The following PRPF18 variants were observed in gnomAD, a reference collection of about 807,000 sequenced individuals.
PRPF18 encodes pre-mRNA-splicing factor 18.
Under a neutral mutation model 46.5 loss-of-function variants are expected in PRPF18, and 38 were observed. The observed-to-expected ratio is 0.82, with a 90% CI of 0.63 to 1.07. The LOEUF is 1.07. PRPF18 is among the 50% of genes least tolerant of loss of function. PRPF18 has a pLI of 0.00. For missense variants in PRPF18, 263 were observed against 410.0 expected (o/e 0.64, Z 3.10); for synonymous variants, 152 against 146.7 (o/e 1.04, Z -0.26).
At position 13,623,093 on chromosome 10, in the gene PRPF18, C is replaced by A. The variant is rs754851996; in HGVS notation, c.948+6540C>A. Among the ~76,000 whole-genome samples, 8 of 151,762 alleles carry A rather than the reference C, an allele frequency of 5.3e-5. No individual in the cohort carries two copies. In the East Asian group the frequency reaches 1.4e-3, roughly 26 times the overall value. On this transcript the variant is annotated intron_variant, in intron 9 of 9. Coordinates refer to ENST00000378572, the MANE Select transcript of PRPF18 (RefSeq NM_003675.4). ...GCAGGCGCCTGTAGTCCCAGCTACTCGGGAGGCTGAGGCAGGAGAATGGCA... is the reference window on the plus strand; with the variant it reads ...GCAGGCGCCTGTAGTCCCAGCTACTAGGGAGGCTGAGGCAGGAGAATGGCA...
chr10:13,614,727 G>C (rs1337691979), intron 8 of PRPF18, among the ~76,000 whole-genome samples: 1 of 152,158 alleles, frequency 6.6e-6, no homozygotes, highest in African/African-American at 2.4e-5. Flanking sequence ...CCCTGAGATA[G>C]AGTTTAGAAA....
the PRPF18 span, chr10:13,640,256 A>G: frequency 6.7e-6 from 1 of 150,304 alleles, no homozygotes; most frequent in Non-Finnish European, 1.5e-5. Context: ...GTGATACCTG[A>G]GAGTCCCCTT....
chr10:13,594,242 G>A (rs2080003525), intron 1 of PRPF18, among the ~76,000 whole-genome samples: 1 of 152,220 alleles, frequency 6.6e-6, no homozygotes, highest in Admixed American at 6.5e-5. Context: ...AAACACTTCA[G>A]TGAGAAAAGT....
At position 13,614,561 on chromosome 10, in the gene PRPF18, G is replaced by C. The variant is rs180852578; in HGVS notation, c.792+475G>C. Among the ~76,000 whole-genome samples, 6 of 152,276 alleles carry C rather than the reference G, an allele frequency of 3.9e-5. No homozygotes were observed. The East Asian group carries it at 1.2e-3, about 29-fold the overall frequency. ...CCACTCTTTGTAATTGTTTCTATGG[G>C]GAAATGGTTCAAGCAAGGCTTCCAG... On this transcript the variant is annotated intron_variant, in intron 8 of 9. Coordinates refer to ENST00000378572, the MANE Select transcript of PRPF18 (RefSeq NM_003675.4).
In PRPF18 at chr10:13,627,371, G is replaced by A. The variant is rs1463693904; in HGVS notation, c.949-2889G>A. Among the ~76,000 whole-genome samples, 6 of 152,214 alleles carry A rather than the reference G, an allele frequency of 3.9e-5. No homozygotes were observed. The East Asian group carries it at 1.2e-3, about 29-fold the overall frequency. ...TAGAACAGTATGTATAGTAGGCACTGAATAAACATTTGTTAGATAAGGGTA... is the reference window on the plus strand; with the variant it reads ...TAGAACAGTATGTATAGTAGGCACTAAATAAACATTTGTTAGATAAGGGTA... On this transcript the variant is annotated intron_variant, in intron 9 of 9. Coordinates refer to ENST00000378572, the MANE Select transcript of PRPF18 (RefSeq NM_003675.4).
intron 9 of PRPF18, among the ~76,000 whole-genome samples, chr10:13,629,411 A>C (rs1468143017): frequency 6.6e-6 from 1 of 152,244 alleles, no homozygotes; most frequent in Non-Finnish European, 1.5e-5. Context: ...TGTAAAACAC[A>C]AGTTATAAAG....
intron 9 of PRPF18, among the ~76,000 whole-genome samples, chr10:13,617,244 G>T (rs981539409): frequency 1.3e-5 from 2 of 152,198 alleles, no homozygotes; most frequent in Non-Finnish European, 2.9e-5. Flanking sequence ...TACTCCGGAA[G>T]TTTACTTAAA....
At chr10:13,597,416 G>T (rs1214303731) in intron 1 of PRPF18, 42 bp from the exon 2 acceptor site, 5 of 1,376,566 alleles carry the variant, frequency 3.6e-6, no homozygotes, top group Non-Finnish European at 5.0e-6. Context: ...ATGAAATTTT[G>T]CTCAAGGATA....
the PRPF18 span, chr10:13,640,911 T>C: frequency 6.6e-6 from 1 of 152,562 alleles, no homozygotes; most frequent in Admixed American, 6.5e-5. Context: ...TGCTCTATCC[T>C]GATCCTACCC....
chr10:13,655,384 A>T, the PRPF18 span: 1 of 150,830 alleles, frequency 6.6e-6, no homozygotes. Context: ...ATAGGGTCAC[A>T]GAATGATCAT....
the PRPF18 span, chr10:13,654,367 T>C: frequency 1.7e-6 from 2 of 1,164,872 alleles, no homozygotes; most frequent in Non-Finnish European, 2.6e-6. Flanking sequence ...TGAACGTCTA[T>C]GACACTCTTT....
At position 13,586,989 on chromosome 10, in the gene PRPF18, G is replaced by A; in HGVS notation, c.-98G>A. On this transcript the variant is annotated 5_prime_UTR_variant, in exon 1 of 10. Transcript: ENST00000378572. ...CAGTTGTTCTCAGGTGTTTGGGCTTGTTGTTCCGTATACTCAGTGGGTTCG... is the reference window on the plus strand; with the variant it reads ...CAGTTGTTCTCAGGTGTTTGGGCTTATTGTTCCGTATACTCAGTGGGTTCG... 3 of 1,257,560 alleles carry A rather than the reference G, an allele frequency of 2.4e-6. No individual in the cohort carries two copies. In the South Asian group the frequency reaches 3.6e-5, roughly 15 times the overall value. 77.9% of individuals were successfully genotyped at this position (1,257,560 alleles called of 1,614,324 possible).
chr10:13,588,960 CTGAT>C (rs1163147280), intron 1 of PRPF18, among the ~76,000 whole-genome samples: 1 of 152,228 alleles, frequency 6.6e-6, no homozygotes, highest in African/African-American at 2.4e-5. Flanking sequence ...AAAATACTCA[CTGAT>C]CGATCATTTG....
intron 1 of PRPF18, among the ~76,000 whole-genome samples, chr10:13,589,652 A>C (rs543540020): frequency 9.2e-5 from 14 of 152,202 alleles, no homozygotes; most frequent in Non-Finnish European, 2.1e-4. Flanking sequence ...TTTTGACCTC[A>C]TGAGTCCTCT....
chr10:13,627,256 T>A (rs1436266296), intron 9 of PRPF18, among the ~76,000 whole-genome samples: 1 of 152,230 alleles, frequency 6.6e-6, no homozygotes, highest in Non-Finnish European at 1.5e-5. Flanking sequence ...TATGAATTTA[T>A]TTTGTTTCTT....
chr10:13,623,702 T>TTTGG, intron 9 of PRPF18, among the ~76,000 whole-genome samples: 1 of 152,176 alleles, frequency 6.6e-6, no homozygotes, highest in African/African-American at 2.4e-5. Flanking sequence ...TTTGGTTTGG[T>TTTGG]TTAGTTTTTG....
the PRPF18 span, chr10:13,653,967 G>C: frequency 9.0e-3 from 2,127 of 236,706 alleles, 53 homozygotes; most frequent in African/African-American, 0.044. Context: ...CCAGGACACA[G>C]CCCTTTTTCT....
intron 3 of PRPF18, among the ~76,000 whole-genome samples, chr10:13,601,180 A>G (rs896701141): frequency 6.6e-6 from 1 of 152,130 alleles, no homozygotes; most frequent in African/African-American, 2.4e-5. Flanking sequence ...CATTGCATAC[A>G]TAATAATGTG....
At chr10:13,606,729 T>A (rs2502206) in intron 4 of PRPF18, among the ~76,000 whole-genome samples, 3 of 128,674 alleles carry the variant, frequency 2.3e-5, no homozygotes, top group Non-Finnish European at 4.8e-5. Flanking sequence ...GTGAGACTCC[T>A]TCTCAAAAAA....
Sources: gnomAD v4.1 joint callset for allele counts (sites outside exome capture counted in the v4.1 genomes callset) on GRCh38, gnomAD v4.1.1 for gene constraint, MANE v1.5 for transcripts, NCBI Gene and HGNC (gene_info 2026-07-23, HGNC 2026-07-21) for gene names.